Variants in UBA3 observed in about 807,000 individuals in gnomAD.
UBA3 encodes NEDD8-activating enzyme E1 catalytic subunit.
Under a neutral mutation model 73.5 loss-of-function variants are expected in UBA3, and 26 were observed. The ratio of observed to expected loss-of-function variants is 0.35; its 90% CI spans 0.26 to 0.49. The LOEUF is 0.49. Ranked by LOEUF, UBA3 falls within the 20% of genes least tolerant of loss-of-function variation. The pLI, the probability that UBA3 is intolerant of heterozygous loss-of-function variation, is 0.98. For synonymous variants in UBA3, 217 were observed against 191.2 expected (o/e 1.13, Z -1.11); for missense variants, 495 against 555.6 (o/e 0.89, Z 1.10).
rs138413476 is a variant in UBA3 at position 69,073,453 on chromosome 3, C to T, written c.265-1836G>A. Reference sequence around the variant, plus strand: ...GTACTCAATAGCACCTTTTTGTAAACCTTTTCCCTTCACACCATTTGACAT... The same window carrying T: ...GTACTCAATAGCACCTTTTTGTAAATCTTTTCCCTTCACACCATTTGACAT... On this transcript the variant is annotated intron_variant, in intron 4 of 17. Transcript: ENST00000361055. 4.5e-3 allele frequency among the ~76,000 whole-genome samples: 678 copies of T among 152,218 alleles called. 1 individual carries two copies. Among genetic ancestry groups the T allele is most frequent in the Admixed American group, 0.01 (160 of 15,286 alleles).
At chr3:69,062,534 A>T (rs2092030418) in intron 9 of UBA3, among the ~76,000 whole-genome samples, 1 of 152,218 alleles carries the variant, frequency 6.6e-6, no homozygotes, top group African/African-American at 2.4e-5. Context: ...GAGTTAAGTG[A>T]ATCCCAAGTG....
Position 69,078,476 on chromosome 3 carries a change from T to C in UBA3, c.63-558A>G, listed in dbSNP as rs146784865. On this transcript the variant is annotated intron_variant, in intron 2 of 17. Coordinates refer to ENST00000361055, the MANE Select transcript of UBA3 (RefSeq NM_003968.4). ...TCAGAAATAAGGTTATTTTTTCTTT[T>C]TCTTTTTCTTTTTTTGTGACAGAGT... Among the ~76,000 whole-genome samples, 327 of 152,292 alleles carry C rather than the reference T, an allele frequency of 2.1e-3. 1 individual carries two copies. The highest frequency in any genetic ancestry group is 7.6e-3 in the African/African-American group (316 of 41,556).
intron 14 of UBA3, 42 bp from the exon 15 acceptor site, chr3:69,056,325 C>G (rs746064130): frequency 2.2e-6 from 3 of 1,359,270 alleles, no homozygotes. Flanking sequence ...GCACATGCAC[C>G]AATATTAGTC....
chr3:69,056,539 T>C, intron 14 of UBA3, 73 bp downstream of exon 14: 24 of 1,334,726 alleles, frequency 1.8e-5, no homozygotes, highest in Non-Finnish European at 2.4e-5. Context: ...GGTGACTTTG[T>C]TCAAATTTCT....
At chr3:69,056,968 A>AT (rs3835091) in intron 12 of UBA3, among the ~76,000 whole-genome samples, 153 bp from the exon 13 acceptor site, 52,438 of 152,010 alleles carry the variant, frequency 0.34, 9,145 homozygotes, top group East Asian at 0.43. Flanking sequence ...CAAATTTTAC[A>AT]TTGTTTTGTG....
intron 5 of UBA3, among the ~76,000 whole-genome samples, chr3:69,069,106 CATT>C (rs1351464927): frequency 6.6e-6 from 1 of 152,040 alleles, no homozygotes; most frequent in Non-Finnish European, 1.5e-5. Flanking sequence ...ATAATAAGAA[CATT>C]ATTACTTTTT....
At chr3:69,071,147 G>T in intron 5 of UBA3, 1 of 162,202 alleles carries the variant, frequency 6.2e-6, no homozygotes, top group Non-Finnish European at 1.3e-5. Context: ...TTCAAACCTT[G>T]GCTCACAAAT....
Position 69,055,335 on chromosome 3 carries a change from C to T in UBA3, c.*102G>A, listed in dbSNP as rs946639776. ...GAGTGGTTCATTATATAAAAAAAGA[C>T]AAATCGTGGCAACACTATTGCTAAA... On this transcript the variant is annotated 3_prime_UTR_variant, in exon 18 of 18. Coordinates refer to ENST00000361055, the MANE Select transcript of UBA3 (RefSeq NM_003968.4). 1 of 712,478 alleles carries T rather than the reference C, an allele frequency of 1.4e-6. No homozygotes were observed. Among genetic ancestry groups the T allele is most frequent in the Non-Finnish European group, 2.1e-6 (1 of 470,284 alleles). The allele number at this position is 712,478 out of a possible 1,614,324, so 44.1% of individuals were successfully genotyped here.
chr3:69,063,981 C>G (rs1030583783), intron 7 of UBA3, 87 bp downstream of exon 7: 14 of 1,136,932 alleles, frequency 1.2e-5, no homozygotes, highest in Non-Finnish European at 1.7e-5. Context: ...GAAGAAATAG[C>G]CTTGAAATAG....
intron 2 of UBA3, 118 bp downstream of exon 2, chr3:69,079,994 C>T: frequency 1.1e-6 from 1 of 950,434 alleles, no homozygotes; most frequent in Non-Finnish European, 1.6e-6. Context: ...GCAGCGCGGC[C>T]TGCGCTCCGG....
At chr3:69,062,835 A>G (rs927676678) in intron 9 of UBA3, 147 bp downstream of exon 9, 1 of 987,896 alleles carries the variant, frequency 1.0e-6, no homozygotes, top group Non-Finnish European at 1.5e-6. Flanking sequence ...ATAGAGCAGA[A>G]TTTCATATTT....
chr3:69,062,016 G>A, intron 10 of UBA3, 61 bp downstream of exon 10: 1 of 1,425,710 alleles, frequency 7.0e-7, no homozygotes, highest in East Asian at 2.3e-5. Context: ...TTATCCAAAG[G>A]AATAATATAG....
At chr3:69,072,837 C>A (rs905265784) in intron 4 of UBA3, among the ~76,000 whole-genome samples, 2 of 152,224 alleles carry the variant, frequency 1.3e-5, no homozygotes, top group African/African-American at 4.8e-5. Flanking sequence ...GTAACTCCAT[C>A]TTTCCAGGTG....
In UBA3 at chr3:69,056,799, C is replaced by T; in HGVS notation, c.981G>A (p.Glu327=). The T allele has an allele frequency of 2.5e-6, 4 of 1,612,852 alleles. No individual in the cohort carries two copies. The highest frequency in any genetic ancestry group is 1.1e-5 in the South Asian group (1 of 90,908). ...ATTACCTTGTGGCTATTTTAAAAAC[C>T]TCAGTGGCACACACAGCTGAAGGGA... ...NAVIAAVCAT[E]VFKIATSAYI... Residue 327 remains glutamate (E), a synonymous_variant, in exon 13 of 18, where the codon GAG becomes GAA. Coordinates refer to ENST00000361055, the MANE Select transcript of UBA3 (RefSeq NM_003968.4).
Position 69,077,861 on chromosome 3 carries a change from A to G in UBA3, c.120T>C (p.His40=), listed in dbSNP as rs781079605. 1.2e-6 allele frequency: 2 copies of G among 1,614,114 alleles called. No homozygotes were observed. The highest frequency in any genetic ancestry group is 1.3e-5 in the African/African-American group (1 of 75,026). Reference sequence around the variant, plus strand: ...CAGATCGCTCGAGGAACTTCTTTACATGGTTCCAGCGACCTTCCCAGTCTC... The same window carrying G: ...CAGATCGCTCGAGGAACTTCTTTACGTGGTTCCAGCGACCTTCCCAGTCTC... ...DTGDWEGRWN[H]VKKFLERSGP... The change falls in exon 3 of 18, where the codon CAT becomes CAC. Residue 40 remains histidine, a synonymous_variant. Transcript: ENST00000361055.
intron 2 of UBA3, among the ~76,000 whole-genome samples, chr3:69,079,455 C>T (rs1007553737): frequency 6.6e-6 from 1 of 152,020 alleles, no homozygotes; most frequent in African/African-American, 2.4e-5. Context: ...TTTTCCCTGC[C>T]CAGGCAGGGA....
chr3:69,061,855 G>A lies in UBA3; in HGVS notation c.869C>T (p.Ser290Leu), dbSNP rs750286287. 2 of 1,610,836 alleles carry A rather than the reference G, an allele frequency of 1.2e-6. No individual in the cohort carries two copies. Among genetic ancestry groups the A allele is most frequent in the South Asian group, 1.1e-5 (1 of 90,582 alleles). The change falls in exon 11 of 18, where the codon TCA (serine) becomes TTA (leucine). Residue 290 changes from serine to leucine, a missense_variant. Coordinates refer to ENST00000361055, the MANE Select transcript of UBA3 (RefSeq NM_003968.4). ...WIFQKSLERA[S>L]QYNIRGVTYR... ...CGTAACACCCCTAATATTATATTGT[G>A]ATGCTCTCTCTAGGGATTTTTGGAA...
intron 6 of UBA3, among the ~76,000 whole-genome samples, chr3:69,066,387 C>A (rs565310337): frequency 6.6e-6 from 1 of 152,058 alleles, no homozygotes; most frequent in African/African-American, 2.4e-5. Context: ...TTGCTTTTGA[C>A]GTGGCCTAAG....
At chr3:69,065,317 AT>A (rs1358538388) in intron 6 of UBA3, among the ~76,000 whole-genome samples, 1 of 151,892 alleles carries the variant, frequency 6.6e-6, no homozygotes, top group Non-Finnish European at 1.5e-5. Flanking sequence ...AATAATATAG[AT>A]TCGCAGTAAG....
Sources: allele counts gnomAD v4.1 joint callset (sites outside exome capture counted in the v4.1 genomes callset), GRCh38; gene constraint gnomAD v4.1.1; transcripts MANE v1.5; gene names NCBI Gene and HGNC (gene_info 2026-07-23, HGNC 2026-07-21).